AAK1: variants seen among roughly 807,000 people sequenced by gnomAD.
The protein encoded by AAK1 is AP2-associated protein kinase 1.
AAK1 carries 37 observed loss-of-function variants against 116.0 expected under a neutral mutation model. That is an observed-to-expected ratio of 0.32 (90% CI 0.25 to 0.42). AAK1 has a LOEUF of 0.42. Among genes scored for constraint, AAK1 ranks in the 10% least tolerant of loss-of-function variants. The probability of loss-of-function intolerance (pLI) is 1.00; values close to 1 mark genes in which losing one functional copy is unlikely to be tolerated. For synonymous variants in AAK1, 458 were observed against 439.9 expected, an observed-to-expected ratio of 1.04 and a Z score of -0.51; for missense variants, 919 against 1,170.6, an observed-to-expected ratio of 0.79 and a Z score of 3.14.
intron 2 of AAK1, among the ~76,000 whole-genome samples, chr2:69,575,287 T>C (rs974613746): frequency 2.7e-5 from 4 of 147,182 alleles, no homozygotes; most frequent in Non-Finnish European, 4.5e-5. Context: ...AGGGGAAAAC[T>C]TCCTTTGTCT....
chr2:69,589,003 C>T (rs1672905836), intron 2 of AAK1, among the ~76,000 whole-genome samples: 1 of 152,214 alleles, frequency 6.6e-6, no homozygotes, highest in Admixed American at 6.5e-5. Context: ...GATATATGAA[C>T]AATATGCTCA....
At chr2:69,597,022 CT>C (rs562693853) in intron 2 of AAK1, among the ~76,000 whole-genome samples, 99 of 145,300 alleles carry the variant, frequency 6.8e-4, no homozygotes, top group Non-Finnish European at 8.4e-4. Flanking sequence ...CAAATTGGGT[CT>C]TTTTTTTTTT....
chr2:69,564,062 C>T (rs951128474), intron 2 of AAK1, among the ~76,000 whole-genome samples: 2 of 151,992 alleles, frequency 1.3e-5, no homozygotes. Context: ...TGTGGTGGCG[C>T]ATGCCTGTAA....
intron 16 of AAK1, among the ~76,000 whole-genome samples, chr2:69,498,893 C>T (rs1340925086): frequency 6.6e-6 from 1 of 152,180 alleles, no homozygotes; most frequent in African/African-American, 2.4e-5. Flanking sequence ...ACTTCCCAGC[C>T]CCAGCTCAAC....
intron 16 of AAK1, among the ~76,000 whole-genome samples, chr2:69,504,668 G>C (rs1228574037): frequency 6.6e-6 from 1 of 152,000 alleles, no homozygotes; most frequent in Non-Finnish European, 1.5e-5. Context: ...TCTGGAGGCT[G>C]AGGCGGGAGA....
At chr2:69,489,960 C>T (rs376365398) in intron 17 of AAK1, among the ~76,000 whole-genome samples, 3 of 152,084 alleles carry the variant, frequency 2.0e-5, no homozygotes, top group Non-Finnish European at 4.4e-5. Context: ...GAGGAAGAGG[C>T]CAGGCCAAAA....
At chr2:69,505,712 A>C in intron 15 of AAK1, 39 bp from the exon 16 acceptor site, 1 of 1,543,510 alleles carries the variant, frequency 6.5e-7, no homozygotes, top group South Asian at 1.1e-5. Flanking sequence ...TTCTAGCAGA[A>C]TCTTGCGAGG....
At position 69,476,963 on chromosome 2, in the gene AAK1, C is replaced by T; in HGVS notation, c.2708G>A (p.Gly903Asp). The T allele has an allele frequency of 2.5e-6, 4 of 1,613,100 alleles. No homozygotes were observed. Among genetic ancestry groups the T allele is most frequent in the Non-Finnish European group, 3.4e-6 (4 of 1,179,568 alleles). ...GTCCGAGCCCTCAGGGACATCAAAA[C>T]CTGAGATGAGATTACTATCTTCTGC... ...KAAEDSNLIS[G>D]FDVPEGSDKV... The change falls in exon 21 of 22, where the codon GGT becomes GAT. Residue 903 changes from glycine to aspartate, a missense_variant. Physicochemically the swap from Gly to Asp is moderately conservative, Grantham distance 94 (BLOSUM62 -1). Transcript: ENST00000409085.
chr2:69,533,844 A>C (rs1395340602), intron 5 of AAK1, among the ~76,000 whole-genome samples: 1 of 152,240 alleles, frequency 6.6e-6, no homozygotes, highest in Non-Finnish European at 1.5e-5. Context: ...AACAATTCTT[A>C]AGCATAGGGT....
At chr2:69,642,102 C>T (rs1192506841) in intron 2 of AAK1, among the ~76,000 whole-genome samples, 1 of 152,042 alleles carries the variant, frequency 6.6e-6, no homozygotes, top group East Asian at 1.9e-4. Flanking sequence ...TGAGTATAGA[C>T]ACACAGATGA....
At chr2:69,600,507 A>T (rs1673527060) in intron 2 of AAK1, among the ~76,000 whole-genome samples, 1 of 152,178 alleles carries the variant, frequency 6.6e-6, no homozygotes, top group East Asian at 1.9e-4. Flanking sequence ...TAGCAAGACA[A>T]CTAGAATTAG....
intron 17 of AAK1, among the ~76,000 whole-genome samples, chr2:69,494,440 C>T (rs1362561800): frequency 6.6e-6 from 1 of 152,188 alleles, no homozygotes; most frequent in African/African-American, 2.4e-5. Flanking sequence ...CCTGAGGGCC[C>T]TCATCCTCTG....
chr2:69,544,607 G>T, intron 3 of AAK1, 63 bp from the exon 4 acceptor site: 1 of 1,188,564 alleles, frequency 8.4e-7, no homozygotes, highest in Non-Finnish European at 1.2e-6. Flanking sequence ...GAATTAGCCA[G>T]TCAGTTCCAT....
intron 2 of AAK1, among the ~76,000 whole-genome samples, chr2:69,634,773 A>T (rs1412370170): frequency 6.6e-6 from 1 of 152,208 alleles, no homozygotes; most frequent in Non-Finnish European, 1.5e-5. Context: ...ACCTTCATGG[A>T]ACCTTGCTGC....
intron 2 of AAK1, among the ~76,000 whole-genome samples, chr2:69,629,302 G>A (rs142700098): frequency 6.6e-6 from 1 of 152,296 alleles, no homozygotes; most frequent in East Asian, 1.9e-4. Context: ...TGTATGCTTT[G>A]CTTAAAGATG....
At position 69,466,817 on chromosome 2, in the gene AAK1, C is replaced by T. The variant is rs1036096768; in HGVS notation, c.*9052G>A. 2 of 985,294 alleles carry T rather than the reference C, an allele frequency of 2.0e-6. No homozygotes were observed. The highest frequency in any genetic ancestry group is 2.4e-6 in the Non-Finnish European group (2 of 829,942). 61.0% of individuals were successfully genotyped at this position (985,294 alleles called of 1,614,324 possible). On this transcript the variant is annotated 3_prime_UTR_variant, in exon 22 of 22. Coordinates refer to ENST00000409085, the MANE Select transcript of AAK1 (RefSeq NM_014911.5). ...TTAGGCACACAGACATTCAGCGTAA[C>T]TATGCAATGCTCCTACACACAGGGC... is the stretch of plus-strand genomic sequence containing the variant.
chr2:69,473,357 T>C lies in AAK1; in HGVS notation c.*2512A>G, dbSNP rs73934961. 5,080 of 985,464 alleles carry C rather than the reference T, an allele frequency of 5.2e-3. 212 individuals carry two copies. In the African/African-American group the frequency reaches 0.079, roughly 15 times the overall value. 61.0% of individuals were successfully genotyped at this position (985,464 alleles called of 1,614,324 possible). A position where few individuals can be genotyped will look rare whatever the true frequency, so the allele number is the denominator to read the frequency against. ...CAGGTACCAGGACACTATGCTCAACTCAAATAAACTCTTTCAGCTCAGGGA... is the reference window on the plus strand; with the variant it reads ...CAGGTACCAGGACACTATGCTCAACCCAAATAAACTCTTTCAGCTCAGGGA... On this transcript the variant is annotated 3_prime_UTR_variant, in exon 22 of 22. Coordinates refer to ENST00000409085, the MANE Select transcript of AAK1 (RefSeq NM_014911.5).
rs182508748 is a variant in AAK1 at position 69,622,081 on chromosome 2, A to G, written c.163+20797T>C. ...TCCCTCAGCTTGCAGGGAGGTGTGG[A>G]GGGAGAGGTGCGGGCGGGAACCGGG... On this transcript the variant is annotated intron_variant, in intron 2 of 21. Coordinates refer to ENST00000409085, the MANE Select transcript of AAK1 (RefSeq NM_014911.5). 3.0e-3 allele frequency among the ~76,000 whole-genome samples: 461 copies of G among 152,260 alleles called. 8 individuals carry two copies. The East Asian group carries it at 0.075, about 25-fold the overall frequency.
chr2:69,526,179 G>A (rs1048361659), intron 9 of AAK1, among the ~76,000 whole-genome samples: 4 of 152,164 alleles, frequency 2.6e-5, no homozygotes, highest in African/African-American at 7.2e-5. Context: ...CAGGAATCAG[G>A]TGTTTACATT....
Sources: allele counts gnomAD v4.1 joint callset (sites outside exome capture counted in the v4.1 genomes callset), GRCh38; gene constraint gnomAD v4.1.1; transcripts MANE v1.5; gene names NCBI Gene and HGNC (gene_info 2026-07-23, HGNC 2026-07-21).